ZNF563: variants seen among roughly 807,000 people sequenced by gnomAD.
ZNF563 encodes zinc finger protein 563.
ZNF563 carries 39 observed loss-of-function variants against 48.5 expected under a neutral mutation model. That is an observed-to-expected ratio of 0.80 (90% CI 0.62 to 1.05). The LOEUF (loss-of-function observed/expected upper bound fraction) is 1.05. Among genes scored for constraint, ZNF563 ranks in the 50% least tolerant of loss-of-function variants. The pLI, the probability that ZNF563 is intolerant of heterozygous loss-of-function variation, is 0.00. For missense variants in ZNF563, 538 were observed against 597.0 expected (o/e 0.90, Z 1.03); for synonymous variants, 168 against 187.9 (o/e 0.89, Z 0.87).
intron 1 of ZNF563, among the ~76,000 whole-genome samples, chr19:12,323,766 G>GT (rs1473222660): frequency 6.6e-6 from 1 of 152,148 alleles, no homozygotes; most frequent in Non-Finnish European, 1.5e-5. Flanking sequence ...AATTTCACAT[G>GT]TTTTTTTGCA....
chr19:12,322,914 G>C (rs1968672369), intron 1 of ZNF563, among the ~76,000 whole-genome samples: 1 of 152,206 alleles, frequency 6.6e-6, no homozygotes, highest in African/African-American at 2.4e-5. Flanking sequence ...TAAAGTTACA[G>C]TTGAATAGGA....
In ZNF563 at chr19:12,318,955, C is replaced by T. The variant is rs762149350; in HGVS notation, c.1070G>A (p.Arg357Gln). Residue 357 changes from arginine to glutamine, a missense_variant, in exon 4 of 4, where the codon CGA becomes CAA. Coordinates refer to ENST00000293725, the MANE Select transcript of ZNF563 (RefSeq NM_145276.3). The stretch of plus-strand genomic sequence containing the variant: ...ATAGGGTTTCTCTCCAGTGTGAATT[C>T]GTTCATGATATCGAACTAAACTGGG... ...DRPSLVRYHE[R>Q]IHTGEKPYEC... 4.3e-6 allele frequency: 7 copies of T among 1,614,066 alleles called. No homozygotes were observed. Among genetic ancestry groups the T allele is most frequent in the East Asian group, 4.5e-5 (2 of 44,898 alleles).
intron 1 of ZNF563, among the ~76,000 whole-genome samples, 175 bp from the exon 2 acceptor site, chr19:12,322,886 A>G (rs1968671550): frequency 6.6e-6 from 1 of 152,266 alleles, no homozygotes; most frequent in Non-Finnish European, 1.5e-5. Context: ...TTTTGATGGT[A>G]GAATTCAACA....
chr19:12,318,153 C>T lies in ZNF563; in HGVS notation c.*441G>A, dbSNP rs1968481793. On this transcript the variant is annotated 3_prime_UTR_variant, in exon 4 of 4. Transcript: ENST00000293725. ...AAGTAGCTGGGACTACAGGGGCATA[C>T]CACCACACCTGCTACTTTTTCTATT... The T allele has an allele frequency of 5.0e-6, 1 of 201,092 alleles. No individual in the cohort carries two copies. The highest frequency in any genetic ancestry group is 1.0e-5 in the Non-Finnish European group (1 of 98,830). The allele number at this position is 201,092 out of a possible 1,614,324, so 12.5% of individuals were successfully genotyped here.
rs779044961 is a variant in ZNF563 at position 12,319,270 on chromosome 19, G to T, written c.755C>A (p.Pro252Gln). The change falls in exon 4 of 4, where the codon CCG becomes CAG. Residue 252 changes from proline to glutamine, a missense_variant. By Grantham distance (76) the Pro-to-Gln change is moderately conservative. Coordinates refer to ENST00000293725, the MANE Select transcript of ZNF563 (RefSeq NM_145276.3). ...RHERMHTGEK[P>Q]YECKQCSKAL... is the part of the protein sequence containing the mutation. ...TTTAGAACACTGCTTACATTCATACGGTTTCTCCCCAGTGTGCATTCTCTC... is the reference window on the plus strand; with the variant it reads ...TTTAGAACACTGCTTACATTCATACTGTTTCTCCCCAGTGTGCATTCTCTC... 2.5e-6 allele frequency: 4 copies of T among 1,613,986 alleles called. No homozygotes were observed. The highest frequency in any genetic ancestry group is 3.4e-6 in the Non-Finnish European group (4 of 1,179,976).
At chr19:12,321,849 C>T (rs1013040184) in intron 2 of ZNF563, among the ~76,000 whole-genome samples, 1 of 152,162 alleles carries the variant, frequency 6.6e-6, no homozygotes, top group East Asian at 1.9e-4. Context: ...TCAATCCCTC[C>T]TCTTACTTAG....
rs150964474 is a variant in ZNF563, at chr19:12,318,907, G to A, written c.1118C>T (p.Thr373Met). ...KPYECKQCGK[T>M]LSHSSSFRRH... is the part of the protein sequence containing the mutation. ...TCGAAAGCTTGAGCTATGAGATAAC[G>A]TTTTCCCACACTGCTTGCATTCATA... The change falls in exon 4 of 4, where the codon ACG becomes ATG. Residue 373 changes from threonine to methionine, a missense_variant. Coordinates refer to ENST00000293725, the MANE Select transcript of ZNF563 (RefSeq NM_145276.3). 4.2e-5 allele frequency: 67 copies of A among 1,614,024 alleles called. No individual in the cohort carries two copies. The highest frequency in any genetic ancestry group is 2.7e-4 in the Admixed American group (16 of 59,990).
intron 1 of ZNF563, among the ~76,000 whole-genome samples, chr19:12,326,494 A>T (rs1030448489): frequency 6.6e-6 from 1 of 152,132 alleles, no homozygotes; most frequent in African/African-American, 2.4e-5. Context: ...AAATACAAAA[A>T]TTAGCCAGGT....
At chr19:12,321,846 C>T (rs1968633500) in intron 2 of ZNF563, among the ~76,000 whole-genome samples, 1 of 152,104 alleles carries the variant, frequency 6.6e-6, no homozygotes, top group Non-Finnish European at 1.5e-5. Flanking sequence ...AGATCAATCC[C>T]TCCTCTTACT....
At chr19:12,322,854 C>T (rs879877725) in intron 1 of ZNF563, 143 bp from the exon 2 acceptor site, 38 of 852,740 alleles carry the variant, frequency 4.5e-5, no homozygotes, top group Non-Finnish European at 6.1e-5. Flanking sequence ...TCTCTTTACA[C>T]TCACTTTCTC....
At chr19:12,322,931 C>A (rs1009048547) in intron 1 of ZNF563, among the ~76,000 whole-genome samples, 3 of 152,172 alleles carry the variant, frequency 2.0e-5, no homozygotes, top group Non-Finnish European at 4.4e-5. Flanking sequence ...AGGAACAGGT[C>A]TCTTCTTGGT....
chr19:12,333,429 G>A (rs1390615740), intron 1 of ZNF563, 51 bp downstream of exon 1: 3 of 1,611,626 alleles, frequency 1.9e-6, no homozygotes, highest in Non-Finnish European at 2.5e-6. Flanking sequence ...GTTCTGGACG[G>A]TTCCAACCAG....
the ZNF563 span, among the ~76,000 whole-genome samples, chr19:12,345,109 T>C: frequency 1.3e-5 from 2 of 152,172 alleles, no homozygotes; most frequent in Non-Finnish European, 2.9e-5. Flanking sequence ...TGGAAAGATA[T>C]CCCATGTTCA....
chr19:12,337,778 T>C (rs142694492), upstream of ZNF563, among the ~76,000 whole-genome samples: 3 of 152,282 alleles, frequency 2.0e-5, no homozygotes, highest in African/African-American at 7.2e-5. Flanking sequence ...GAAGGTGACA[T>C]TTAATGTGAG....
chr19:12,339,687 A>G, the ZNF563 span, among the ~76,000 whole-genome samples: 3 of 152,140 alleles, frequency 2.0e-5, no homozygotes, highest in African/African-American at 7.2e-5. Flanking sequence ...GAGGGCATTG[A>G]GCAGGCCAAT....
Position 12,318,681 on chromosome 19 carries a change from C to G in ZNF563, c.1344G>C (p.Pro448=). The change falls in exon 4 of 4, where the codon CCG becomes CCC. Residue 448 remains proline, a synonymous_variant. Coordinates refer to ENST00000293725, the MANE Select transcript of ZNF563 (RefSeq NM_145276.3). ...CTTTCCCACATACCTTGCATTTATT[C>G]GGCCCATCTCCCGTATGCATTACCA... ...RHMVMHTGDG[P]NKCKVCGKAF... is the part of the protein sequence containing the mutation. 1 of 1,614,080 alleles carries G rather than the reference C, an allele frequency of 6.2e-7. No individual in the cohort carries two copies. The highest frequency in any genetic ancestry group is 8.5e-7 in the Non-Finnish European group (1 of 1,180,014).
At position 12,322,532 on chromosome 19, in the gene ZNF563, C is replaced by T; in HGVS notation, c.130+53G>A. 3 of 1,537,240 alleles carry T rather than the reference C, an allele frequency of 2.0e-6. No individual in the cohort carries two copies. The South Asian group carries it at 3.5e-5, about 18-fold the overall frequency. On this transcript the variant is annotated intron_variant, in intron 2 of 3. Transcript: ENST00000293725. ...TCAAATCATTGAACAGCACTGATGA[C>T]CATGAAACAAATGTCTGTAATTGAT...
chr19:12,333,378 C>A, intron 1 of ZNF563, 102 bp downstream of exon 1: 1 of 1,513,738 alleles, frequency 6.6e-7, no homozygotes, highest in Non-Finnish European at 9.0e-7. Flanking sequence ...GTCCCAGACC[C>A]CGGAGCTGAC....
rs769288893 is a variant in ZNF563, at chr19:12,319,114, CTG to C, written c.909_910del (p.His303GlnfsTer7). On this transcript the variant is annotated frameshift_variant, in exon 4 of 4. Transcript: ENST00000293725. LOFTEE classifies it high-confidence loss of function. ...CTTACACTCATAGGGTTTCTCTGCA[CTG>C]TGAGTGGTTTCATGTCTTCGAAGGG... 6.8e-6 allele frequency: 11 copies of C among 1,614,036 alleles called. No homozygotes were observed. The highest frequency in any genetic ancestry group is 6.7e-5 in the East Asian group (3 of 44,868).
Sources: allele counts gnomAD v4.1 joint callset (sites outside exome capture counted in the v4.1 genomes callset), GRCh38; gene constraint gnomAD v4.1.1; transcripts MANE v1.5; gene names NCBI Gene and HGNC (gene_info 2026-07-23, HGNC 2026-07-21).